The following CAND1 variants were observed in gnomAD, a reference collection of about 807,000 sequenced individuals.
CAND1 encodes cullin-associated NEDD8-dissociated protein 1.
CAND1 carries 7 observed loss-of-function variants against 108.5 expected under a neutral mutation model. That is an observed-to-expected ratio of 0.06 (90% confidence interval 0.04 to 0.12). CAND1 has a LOEUF of 0.12. Among genes scored for constraint, CAND1 ranks in the 10% least tolerant of loss-of-function variants. CAND1 has a pLI of 1.00. For synonymous variants in CAND1, 534 were observed against 512.0 expected, an observed-to-expected ratio of 1.04 and a Z score of -0.58; for missense variants, 941 against 1,448.7, an observed-to-expected ratio of 0.65 and a Z score of 5.69.
intron 1 of CAND1, among the ~76,000 whole-genome samples, chr12:67,273,264 C>G (rs573545432): frequency 6.6e-6 from 1 of 152,132 alleles, no homozygotes; most frequent in African/African-American, 2.4e-5. Flanking sequence ...GACTTTTTGC[C>G]AGAAAACATT....
At chr12:67,270,015 C>T (rs1480864218) in intron 1 of CAND1, 1 of 504,932 alleles carries the variant, frequency 2.0e-6, no homozygotes, top group Non-Finnish European at 3.5e-6. Flanking sequence ...GCCGCGGTCT[C>T]TAGGCCCCGT....
intron 7 of CAND1, among the ~76,000 whole-genome samples, chr12:67,299,493 C>G (rs2044802771): frequency 6.6e-6 from 1 of 152,074 alleles, no homozygotes; most frequent in Admixed American, 6.6e-5. Flanking sequence ...AAATTTTCTA[C>G]AAAGCATTTT....
chr12:67,311,637 T>G, intron 13 of CAND1, 56 bp from the exon 14 acceptor site: 1 of 922,400 alleles, frequency 1.1e-6, no homozygotes, highest in Non-Finnish European at 1.6e-6. Context: ...GAATTTAGTA[T>G]TTTGTTTTTA....
chr12:67,319,187 C>T lies in CAND1; in HGVS notation c.*6357C>T, dbSNP rs2045036596. 1 of 152,234 alleles carries T rather than the reference C, an allele frequency of 6.6e-6. No homozygotes were observed. Among genetic ancestry groups the T allele is most frequent in the Admixed American group, 6.5e-5 (1 of 15,284 alleles). 9.4% of individuals were successfully genotyped at this position (152,234 alleles called of 1,614,324 possible). Reference sequence around the variant, plus strand: ...AAAACAATGGTCCTGACCATTTCATCTTTGCACTACATCCTTCACTGTCTC... The same window carrying T: ...AAAACAATGGTCCTGACCATTTCATTTTTGCACTACATCCTTCACTGTCTC... On this transcript the variant is annotated 3_prime_UTR_variant, in exon 15 of 15. Transcript: ENST00000545606.
At chr12:67,277,927 A>T (rs905733935) in intron 1 of CAND1, among the ~76,000 whole-genome samples, 1 of 152,144 alleles carries the variant, frequency 6.6e-6, no homozygotes, top group African/African-American at 2.4e-5. Context: ...GTTCTCTCCA[A>T]AGTATGGTCC....
At position 67,295,070 on chromosome 12, in the gene CAND1, T is replaced by A. The variant is rs776339428; in HGVS notation, c.405T>A (p.Thr135=). 6 of 1,613,078 alleles carry A rather than the reference T, an allele frequency of 3.7e-6. No homozygotes were observed. The highest frequency in any genetic ancestry group is 5.1e-6 in the Non-Finnish European group (6 of 1,179,322). The change falls in exon 4 of 15, where the codon ACT becomes ACA. Residue 135 remains threonine (T), a synonymous_variant. Transcript: ENST00000545606. The stretch of plus-strand genomic sequence containing the variant: ...CTGCTAATGTATGTAAAAAGATTAC[T>A]GGACGTCTTACAAGTGCAATAGCAA... ...ALAANVCKKI[T]GRLTSAIAKQ... is the part of the protein sequence containing the mutation.
chr12:67,308,625 T>C (rs1229455004), intron 11 of CAND1, among the ~76,000 whole-genome samples: 4 of 151,926 alleles, frequency 2.6e-5, no homozygotes, highest in Non-Finnish European at 4.4e-5. Flanking sequence ...CTGGGAAACT[T>C]TTTAAAAATT....
At chr12:67,270,629 G>A (rs1385892243) in intron 1 of CAND1, 1 of 152,074 alleles carries the variant, frequency 6.6e-6, no homozygotes, top group Admixed American at 6.5e-5. Flanking sequence ...CGGTACTGTT[G>A]GTTCCAAAGT....
chr12:67,294,313 T>G (rs778931698), intron 3 of CAND1, among the ~76,000 whole-genome samples: 13 of 152,152 alleles, frequency 8.5e-5, no homozygotes, highest in Non-Finnish European at 1.9e-4. Context: ...GATTTATGAG[T>G]CCTGGAACGA....
chr12:67,272,897 A>T (rs758993185), intron 1 of CAND1, among the ~76,000 whole-genome samples: 1 of 152,062 alleles, frequency 6.6e-6, no homozygotes, highest in Non-Finnish European at 1.5e-5. Context: ...GGGTTTCACC[A>T]TGTTCGCCAG....
At chr12:67,300,277 A>G (rs1199669453) in intron 7 of CAND1, among the ~76,000 whole-genome samples, 1 of 50,352 alleles carries the variant, frequency 2.0e-5, no homozygotes, top group Non-Finnish European at 3.8e-5. Context: ...CAGTCCTTGA[A>G]CTTAACCTGT....
intron 1 of CAND1, among the ~76,000 whole-genome samples, chr12:67,279,847 T>C (rs563996885): frequency 6.6e-6 from 1 of 152,328 alleles, no homozygotes; most frequent in Non-Finnish European, 1.5e-5. Context: ...CTTAAATTGA[T>C]GATCCCTGTT....
At chr12:67,298,565 C>T (rs74100321) in intron 6 of CAND1, among the ~76,000 whole-genome samples, 6,730 of 152,186 alleles carry the variant, frequency 0.044, 223 homozygotes, top group African/African-American at 0.088. Context: ...CTCATTACAT[C>T]GGTAGAAGAC....
In CAND1 at chr12:67,297,635, T is replaced by A. The variant is rs779039439; in HGVS notation, c.720T>A (p.Ala240=). 7 of 1,613,214 alleles carry A rather than the reference T, an allele frequency of 4.3e-6. No homozygotes were observed. In the African/African-American group the frequency reaches 5.3e-5, roughly 12 times the overall value. The change falls in exon 5 of 15, where the codon GCT becomes GCA. Residue 240 remains alanine, a synonymous_variant. Transcript: ENST00000545606. ...GAACCTACATACAATGTATTGCTGC[T>A]ATTAGTAGGCAAGCTGGTCATAGAA... ...TTRTYIQCIA[A]ISRQAGHRIG...
intron 1 of CAND1, among the ~76,000 whole-genome samples, chr12:67,281,057 A>G (rs28677001): frequency 0.016 from 2,475 of 152,192 alleles, 63 homozygotes; most frequent in African/African-American, 0.055. Context: ...CCTGGGCAAC[A>G]TGGTGAAACC....
chr12:67,301,073 G>A (rs148802866), intron 7 of CAND1, among the ~76,000 whole-genome samples: 2 of 152,126 alleles, frequency 1.3e-5, no homozygotes, highest in East Asian at 3.9e-4. Flanking sequence ...TTTCTGGGAG[G>A]CAATTGCCAT....
chr12:67,298,843 G>A lies in CAND1; in HGVS notation c.855-107G>A, dbSNP rs918948679. On this transcript the variant is annotated intron_variant, in intron 6 of 14. Coordinates refer to ENST00000545606, the MANE Select transcript of CAND1 (RefSeq NM_018448.5). ...AAGAATCATTGGTGCTAGATAGTCT[G>A]GGAACTACTGTCCTATGTTATTGCT... 12 of 672,410 alleles carry A rather than the reference G, an allele frequency of 1.8e-5. No homozygotes were observed. In the African/African-American group the frequency reaches 1.8e-4, roughly 10 times the overall value. 41.7% of individuals were successfully genotyped at this position (672,410 alleles called of 1,614,324 possible).
intron 2 of CAND1, among the ~76,000 whole-genome samples, chr12:67,287,385 G>C (rs545760977): frequency 1.3e-5 from 2 of 152,170 alleles, no homozygotes; most frequent in Non-Finnish European, 2.9e-5. Context: ...AAATAAGCTT[G>C]CTTGAATTTT....
At position 67,310,233 on chromosome 12, in the gene CAND1, C is replaced by A; in HGVS notation, c.3277C>A (p.Leu1093Ile). 6.2e-7 allele frequency: 1 copy of A among 1,612,032 alleles called. No individual in the cohort carries two copies. The highest frequency in any genetic ancestry group is 1.1e-5 in the South Asian group (1 of 90,990). Residue 1093 changes from leucine to isoleucine, a missense_variant, in exon 13 of 15, where the codon CTA (leucine) becomes ATA (isoleucine). This residue lies in a region of CAND1 where 14 missense variants were observed against 16.2 expected (regional missense o/e 0.87). Coordinates refer to ENST00000545606, the MANE Select transcript of CAND1 (RefSeq NM_018448.5). ...AGCATTTGAGTGTATGTACACACTT[C>A]TAGACAGTTGTCTTGATAGACTTGA... ...KAAFECMYTL[L>I]DSCLDRLDIF...
Sources: gnomAD v4.1 joint callset for allele counts (sites outside exome capture counted in the v4.1 genomes callset) on GRCh38, gnomAD v4.1.1 for gene constraint, gnomAD v4.1.1 regional missense constraint, MANE v1.5 for transcripts, NCBI Gene and HGNC (gene_info 2026-07-23, HGNC 2026-07-21) for gene names.